GPC5: variants seen among roughly 807,000 people sequenced by gnomAD.
The protein encoded by GPC5 is glypican-5.
Under a neutral mutation model 53.9 loss-of-function variants are expected in GPC5, and 47 were observed. That is an observed-to-expected ratio of 0.87 (90% CI 0.69 to 1.11). GPC5 has a LOEUF of 1.11. GPC5 is among the 50% of genes most tolerant of loss of function. GPC5 has a pLI of 0.00. For synonymous variants in GPC5, 286 were observed against 263.3 expected, an observed-to-expected ratio of 1.09 and a Z score of -0.84; for missense variants, 748 against 713.1, an observed-to-expected ratio of 1.05 and a Z score of -0.56.
At chr13:92,065,630 A>T (rs1182986031) in intron 6 of GPC5, among the ~76,000 whole-genome samples, 1 of 152,140 alleles carries the variant, frequency 6.6e-6, no homozygotes, top group Non-Finnish European at 1.5e-5. Context: ...TGACTCCTAA[A>T]AGACTCAAAA....
chr13:92,725,610 A>G (rs1023211822), intron 7 of GPC5, among the ~76,000 whole-genome samples: 17 of 151,706 alleles, frequency 1.1e-4, no homozygotes, highest in Non-Finnish European at 1.5e-4. Flanking sequence ...TTAACTGTTA[A>G]TAATCCAAAA....
At chr13:92,486,750 TAATTAA>T (rs1879570213) in intron 7 of GPC5, among the ~76,000 whole-genome samples, 1 of 152,250 alleles carries the variant, frequency 6.6e-6, no homozygotes, top group Non-Finnish European at 1.5e-5. Flanking sequence ...GATTTAAAGT[TAATTAA>T]AATTAAAATG....
intron 1 of GPC5, among the ~76,000 whole-genome samples, chr13:91,421,101 A>G (rs1436419055): frequency 1.3e-5 from 2 of 152,208 alleles, no homozygotes; most frequent in Admixed American, 6.5e-5. Context: ...GCATATTTCT[A>G]CCAATCATTA....
chr13:92,492,547 A>G (rs1879807456), intron 7 of GPC5, among the ~76,000 whole-genome samples: 1 of 152,080 alleles, frequency 6.6e-6, no homozygotes, highest in African/African-American at 2.4e-5. Flanking sequence ...AAATAAAAAT[A>G]AAACAAAACA....
chr13:92,757,369 A>G (rs1193543412), intron 7 of GPC5, among the ~76,000 whole-genome samples: 3 of 152,236 alleles, frequency 2.0e-5, no homozygotes, highest in Admixed American at 1.3e-4. Flanking sequence ...ACCTAAAACC[A>G]TAAAAACCAT....
intron 2 of GPC5, among the ~76,000 whole-genome samples, chr13:91,525,009 T>C (rs958127378): frequency 3.3e-5 from 5 of 152,218 alleles, no homozygotes; most frequent in Non-Finnish European, 5.9e-5. Context: ...AATGTTGATA[T>C]TGAAGTTCCT....
chr13:91,542,385 C>CTT (rs1203560013), intron 2 of GPC5, among the ~76,000 whole-genome samples: 2 of 152,200 alleles, frequency 1.3e-5, no homozygotes, highest in Non-Finnish European at 2.9e-5. Flanking sequence ...AATCTCTTAG[C>CTT]TCATAAAGTC....
chr13:91,398,650 GGGCGGCGGA>G lies in GPC5; in HGVS notation c.-388_-380del. The G allele has an allele frequency of 6.5e-6, 1 of 153,754 alleles. No homozygotes were observed. The highest frequency in any genetic ancestry group is 1.5e-4 in the South Asian group (1 of 6,516). 9.5% of individuals were successfully genotyped at this position (153,754 alleles called of 1,614,324 possible). On this transcript the variant is annotated 5_prime_UTR_variant, in exon 1 of 8. Transcript: ENST00000377067. ...CAGGTTAGCTGCTGCGAGCCGAGCC[GGGCGGCGGA>G]GGCGGCGGCGGCGGCGGCAGTGGCG...
chr13:91,995,220 C>T (rs1272906654), intron 6 of GPC5: 1 of 152,164 alleles, frequency 6.6e-6, no homozygotes, highest in African/African-American at 2.4e-5. Context: ...GATCTGCCCG[C>T]CTCAGCCTCC....
chr13:91,473,884 C>A (rs568039005), intron 2 of GPC5, among the ~76,000 whole-genome samples: 3 of 152,136 alleles, frequency 2.0e-5, no homozygotes, highest in Non-Finnish European at 4.4e-5. Flanking sequence ...TAATTCTCAA[C>A]AAGAATGTAG....
At chr13:92,298,258 C>T (rs547879829) in intron 7 of GPC5, among the ~76,000 whole-genome samples, 5 of 152,166 alleles carry the variant, frequency 3.3e-5, no homozygotes, top group East Asian at 1.9e-4. Context: ...CTCCCAGCTG[C>T]GAAAGTAAAT....
intron 7 of GPC5, among the ~76,000 whole-genome samples, chr13:92,741,376 C>A (rs1889088436): frequency 6.6e-6 from 1 of 151,920 alleles, no homozygotes; most frequent in South Asian, 2.1e-4. Context: ...AGGCTCTGAG[C>A]TTTCCTGGGA....
At chr13:92,700,674 C>T (rs1317063686) in intron 7 of GPC5, among the ~76,000 whole-genome samples, 1 of 152,018 alleles carries the variant, frequency 6.6e-6, no homozygotes, top group African/African-American at 2.4e-5. Flanking sequence ...TAACTTGTTA[C>T]ATTTTCTTAT....
At chr13:92,363,983 G>C (rs932482749) in intron 7 of GPC5, among the ~76,000 whole-genome samples, 1 of 151,738 alleles carries the variant, frequency 6.6e-6, no homozygotes, top group African/African-American at 2.4e-5. Flanking sequence ...AGGAAAACAT[G>C]CTCATGACTA....
chr13:91,950,283 TTTCA>T (rs2040015160), intron 6 of GPC5, among the ~76,000 whole-genome samples: 1 of 150,484 alleles, frequency 6.6e-6, no homozygotes, highest in African/African-American at 2.5e-5. Flanking sequence ...TTTTTTTTTT[TTTCA>T]TGAATTAGCA....
At chr13:92,540,561 TG>T (rs1232821203) in intron 7 of GPC5, among the ~76,000 whole-genome samples, 1 of 151,932 alleles carries the variant, frequency 6.6e-6, no homozygotes, top group African/African-American at 2.4e-5. Flanking sequence ...CGCAAATGTC[TG>T]GGGTAATTTA....
chr13:91,463,721 T>A (rs1472719486), intron 2 of GPC5, among the ~76,000 whole-genome samples: 1 of 152,060 alleles, frequency 6.6e-6, no homozygotes, highest in African/African-American at 2.4e-5. Context: ...GTTGAGAAAT[T>A]GAATATTCAT....
chr13:91,948,377 TATTCATTCATTC>T (rs199857879), intron 6 of GPC5, among the ~76,000 whole-genome samples: 1 of 152,040 alleles, frequency 6.6e-6, no homozygotes, highest in Non-Finnish European at 1.5e-5. Context: ...CGAGCATAGA[TATTCATTCATTC>T]ATTCATTCAT....
intron 2 of GPC5, among the ~76,000 whole-genome samples, chr13:91,599,973 G>A (rs2033122290): frequency 6.6e-6 from 1 of 152,174 alleles, no homozygotes; most frequent in South Asian, 2.1e-4. Context: ...CCAGGCTGGA[G>A]TGCAGTGGTG....
Sources: gnomAD v4.1 joint callset for allele counts (sites outside exome capture counted in the v4.1 genomes callset) on GRCh38, gnomAD v4.1.1 for gene constraint, MANE v1.5 for transcripts, NCBI Gene and HGNC (gene_info 2026-07-23, HGNC 2026-07-21) for gene names.